RAD51B: variants seen among roughly 807,000 people sequenced by gnomAD.
RAD51B encodes RAD51 paralog B.
Under a neutral mutation model 42.2 loss-of-function variants are expected in RAD51B, and 38 were observed. The observed-to-expected ratio is 0.90, with a 90% CI of 0.70 to 1.18. The LOEUF (loss-of-function observed/expected upper bound fraction) is 1.18, where lower values mean the gene tolerates loss of function less well. RAD51B is among the 50% of genes most tolerant of loss of function. The pLI is 0.00. For synonymous variants in RAD51B, 154 were observed against 145.2 expected, an observed-to-expected ratio of 1.06 and a Z score of -0.43; for missense variants, 373 against 400.7, an observed-to-expected ratio of 0.93 and a Z score of 0.59.
intron 7 of RAD51B, among the ~76,000 whole-genome samples, chr14:68,090,705 A>T (rs924692573): frequency 2.0e-5 from 3 of 149,572 alleles, no homozygotes; most frequent in Non-Finnish European, 4.5e-5. Context: ...ATTTATTATT[A>T]TTATTATTAT....
At chr14:68,424,795 G>C (rs767377700) in intron 9 of RAD51B, among the ~76,000 whole-genome samples, 1 of 152,028 alleles carries the variant, frequency 6.6e-6, no homozygotes, top group Non-Finnish European at 1.5e-5. Flanking sequence ...TTTCCTTAGA[G>C]ACAGGGTCTT....
chr14:67,946,767 A>C (rs2045408999), intron 7 of RAD51B, among the ~76,000 whole-genome samples: 1 of 152,222 alleles, frequency 6.6e-6, no homozygotes, highest in Non-Finnish European at 1.5e-5. Flanking sequence ...CACAGGTTTA[A>C]GGAGAGAAGG....
chr14:68,546,942 G>T (rs761526355), intron 10 of RAD51B, among the ~76,000 whole-genome samples: 1 of 152,220 alleles, frequency 6.6e-6, no homozygotes, highest in South Asian at 2.1e-4. Flanking sequence ...AGTTTATCAG[G>T]ACTTTCTCCT....
chr14:68,446,013 A>G (rs962805051), intron 9 of RAD51B, among the ~76,000 whole-genome samples: 18 of 152,236 alleles, frequency 1.2e-4, no homozygotes, highest in Admixed American at 1.1e-3. Context: ...TCTAAATTAT[A>G]GCTATGCAAC....
At chr14:67,881,472 A>G (rs1330041545) in intron 5 of RAD51B, among the ~76,000 whole-genome samples, 1 of 152,100 alleles carries the variant, frequency 6.6e-6, no homozygotes. Flanking sequence ...CTCTCTGCAG[A>G]TCTTTGCAGT....
chr14:68,348,540 C>CT (rs2082717303), intron 8 of RAD51B, among the ~76,000 whole-genome samples: 1 of 152,256 alleles, frequency 6.6e-6, no homozygotes, highest in African/African-American at 2.4e-5. Context: ...ATTTAACTCA[C>CT]TTGGGAGCTC....
chr14:68,105,760 C>A (rs1186067232), intron 7 of RAD51B, among the ~76,000 whole-genome samples: 1 of 151,936 alleles, frequency 6.6e-6, no homozygotes, highest in East Asian at 1.9e-4. Context: ...TTTAAATTCT[C>A]TTCTTCAATG....
At chr14:67,866,087 A>T (rs755252042) in intron 5 of RAD51B, among the ~76,000 whole-genome samples, 14 of 152,228 alleles carry the variant, frequency 9.2e-5, no homozygotes, top group African/African-American at 1.2e-4. Context: ...AGAAAATGCA[A>T]TTAGCAGAAT....
At chr14:68,164,487 A>G (rs1042456510) in intron 7 of RAD51B, among the ~76,000 whole-genome samples, 2 of 152,234 alleles carry the variant, frequency 1.3e-5, no homozygotes, top group African/African-American at 4.8e-5. Flanking sequence ...TTTAAAGTGC[A>G]AAATGTTATT....
At chr14:68,322,192 A>C (rs933968899) in intron 8 of RAD51B, among the ~76,000 whole-genome samples, 2 of 152,352 alleles carry the variant, frequency 1.3e-5, no homozygotes, top group Middle Eastern at 3.4e-3. Context: ...TAATTCATGC[A>C]TGAAGAACTA....
chr14:67,992,602 T>C (rs555208305), intron 7 of RAD51B, among the ~76,000 whole-genome samples: 2 of 152,356 alleles, frequency 1.3e-5, no homozygotes, highest in South Asian at 4.1e-4. Flanking sequence ...AGGCAGAGAA[T>C]GTCTTTGACC....
downstream of RAD51B, among the ~76,000 whole-genome samples, chr14:68,600,595 G>T (rs1321421366): frequency 6.6e-6 from 1 of 152,192 alleles, no homozygotes; most frequent in Non-Finnish European, 1.5e-5. Flanking sequence ...AGAGGGCTTT[G>T]TGGATCACCT....
rs149677955 is a variant in RAD51B, at chr14:68,329,241, C to T, written c.853+37261C>T. Among the ~76,000 whole-genome samples the T allele has an allele frequency of 1.4e-3, 219 of 152,278 alleles. 6 individuals are homozygous for T. In the East Asian group the frequency reaches 0.038, roughly 26 times the overall value. ...CAATCTGGTCTCAAACTCCTGGCCT[C>T]AAGCCATCCTCCTGCCTTAGCCTCC... On this transcript the variant is annotated intron_variant, in intron 8 of 10. Transcript: ENST00000471583.
At chr14:67,823,743 T>C in intron 2 of RAD51B, 116 bp downstream of exon 2, 3 of 803,562 alleles carry the variant, frequency 3.7e-6, no homozygotes, top group Non-Finnish European at 5.7e-6. Context: ...AGATAAATGA[T>C]GGTGCTTTTC....
At chr14:68,181,131 C>T (rs1339493520) in intron 7 of RAD51B, among the ~76,000 whole-genome samples, 2 of 152,136 alleles carry the variant, frequency 1.3e-5, no homozygotes, top group Non-Finnish European at 1.5e-5. Flanking sequence ...TAGTCTTGAC[C>T]GTGTGCCACA....
intron 8 of RAD51B, among the ~76,000 whole-genome samples, chr14:68,404,180 G>A (rs762346391): frequency 9.2e-5 from 14 of 152,188 alleles, no homozygotes; most frequent in African/African-American, 2.9e-4. Context: ...CTCAGTTCAC[G>A]TATTTGATTT....
chr14:68,576,665 T>C (rs1889976535), intron 10 of RAD51B, among the ~76,000 whole-genome samples: 3 of 152,202 alleles, frequency 2.0e-5, no homozygotes, highest in African/African-American at 7.2e-5. Flanking sequence ...GAGTCATCTT[T>C]GCCTCTTAAC....
At chr14:68,179,805 T>C (rs1394528628) in intron 7 of RAD51B, among the ~76,000 whole-genome samples, 3 of 152,110 alleles carry the variant, frequency 2.0e-5, no homozygotes, top group African/African-American at 7.2e-5. Flanking sequence ...GGCTATGACA[T>C]GGGTAAACAG....
chr14:68,517,641 G>A (rs1286188221), intron 10 of RAD51B, among the ~76,000 whole-genome samples: 1 of 152,146 alleles, frequency 6.6e-6, no homozygotes, highest in Non-Finnish European at 1.5e-5. Flanking sequence ...AGCATTTACA[G>A]GTAAATGTGC....
Sources: gnomAD v4.1 joint callset for allele counts (sites outside exome capture counted in the v4.1 genomes callset) on GRCh38, gnomAD v4.1.1 for gene constraint, MANE v1.5 for transcripts, NCBI Gene and HGNC (gene_info 2026-07-23, HGNC 2026-07-21) for gene names.